The following LAMA2 variants were observed in gnomAD, a reference collection of about 807,000 sequenced individuals.
LAMA2 encodes the protein laminin subunit alpha-2.
LAMA2 carries 269 observed loss-of-function variants against 364.8 expected under a neutral mutation model. The ratio of observed to expected loss-of-function variants is 0.74; its 90% CI spans 0.67 to 0.82. The LOEUF is 0.82. Ranked by LOEUF, LAMA2 falls within the 40% of genes least tolerant of loss-of-function variation. The pLI is 0.00. For missense variants in LAMA2, 3,807 were observed against 3,873.2 expected (o/e 0.98, Z 0.45); for synonymous variants, 1,379 against 1,370.6 (o/e 1.01, Z -0.14).
intron 41 of LAMA2, 95 bp from the exon 42 acceptor site, chr6:129,438,551 A>C: frequency 1.5e-6 from 1 of 651,328 alleles, no homozygotes; most frequent in Non-Finnish European, 2.8e-6. Context: ...GCTTTTAATT[A>C]ATTTTATATT....
At chr6:129,272,574 C>T (rs1028889781) in intron 17 of LAMA2, among the ~76,000 whole-genome samples, 2 of 152,128 alleles carry the variant, frequency 1.3e-5, no homozygotes, top group Non-Finnish European at 1.5e-5. Context: ...AAAAAATACA[C>T]ACTGCATTTT....
rs369978926 is a variant in LAMA2 at position 128,957,583 on chromosome 6, T to C, written c.112+74226T>C. Reference sequence around the variant, plus strand: ...CTTGAAGTCGTGCTTATTACAGATATGTGAGGAGTGCTTTTTTTAGGGGGG... The same window carrying C: ...CTTGAAGTCGTGCTTATTACAGATACGTGAGGAGTGCTTTTTTTAGGGGGG... On this transcript the variant is annotated intron_variant, in intron 1 of 64. Coordinates refer to ENST00000421865, the MANE Select transcript of LAMA2 (RefSeq NM_000426.4). Among the ~76,000 whole-genome samples the C allele has an allele frequency of 1.1e-4, 17 of 152,126 alleles. No individual in the cohort carries two copies. The East Asian group carries it at 1.5e-3, about 14-fold the overall frequency.
At chr6:128,990,142 A>G (rs1285353119) in intron 1 of LAMA2, among the ~76,000 whole-genome samples, 1 of 152,200 alleles carries the variant, frequency 6.6e-6, no homozygotes, top group African/African-American at 2.4e-5. Context: ...TCTTACAGAG[A>G]TATGTTTCAG....
At chr6:129,163,010 G>A (rs1268531170) in intron 8 of LAMA2, among the ~76,000 whole-genome samples, 5 of 152,118 alleles carry the variant, frequency 3.3e-5, no homozygotes, top group Non-Finnish European at 1.5e-5. Flanking sequence ...ATGTGTCTAT[G>A]TTTGGCTTTC....
chr6:129,453,217 A>G lies in LAMA2; in HGVS notation c.6573+86A>G. 8.7e-6 allele frequency: 11 copies of G among 1,258,200 alleles called. No homozygotes were observed. The South Asian group carries it at 9.6e-5, about 11-fold the overall frequency. 77.9% of individuals were successfully genotyped at this position (1,258,200 alleles called of 1,614,324 possible). A position where few individuals can be genotyped will look rare whatever the true frequency, so the allele number is the denominator to read the frequency against. ...GAAAATGTATAGAATCCCCAAATGT[A>G]TATGGTCCCCAAATGGTCTAACGTA... is the stretch of plus-strand genomic sequence containing the variant. On this transcript the variant is annotated intron_variant, in intron 46 of 64. Coordinates refer to ENST00000421865, the MANE Select transcript of LAMA2 (RefSeq NM_000426.4).
chr6:129,298,284 G>GT (rs1773332594), intron 21 of LAMA2, among the ~76,000 whole-genome samples: 1 of 151,920 alleles, frequency 6.6e-6, no homozygotes, highest in South Asian at 2.1e-4. Flanking sequence ...AAAAGTCAAG[G>GT]TGTTTTTTTT....
chr6:129,263,611 G>A (rs997892114), intron 15 of LAMA2, among the ~76,000 whole-genome samples: 9 of 151,662 alleles, frequency 5.9e-5, no homozygotes, highest in Non-Finnish European at 8.8e-5. Flanking sequence ...GATTGGAAAA[G>A]CAAGGCCATG....
chr6:129,345,566 C>T (rs1012456489), intron 30 of LAMA2, among the ~76,000 whole-genome samples: 2 of 152,004 alleles, frequency 1.3e-5, no homozygotes, highest in Non-Finnish European at 2.9e-5. Flanking sequence ...GCAAAAGACC[C>T]TGAAAGAATC....
At chr6:129,076,967 C>T (rs1475631078) in intron 3 of LAMA2, among the ~76,000 whole-genome samples, 1 of 152,012 alleles carries the variant, frequency 6.6e-6, no homozygotes, top group East Asian at 1.9e-4. Context: ...CCTCTCAGCA[C>T]TGGGTCATTA....
rs747449459 is a variant in LAMA2, at chr6:129,192,789, A to G, written c.1718A>G (p.Glu573Gly). The G allele has an allele frequency of 3.7e-6, 6 of 1,614,088 alleles. No homozygotes were observed. The highest frequency in any genetic ancestry group is 3.3e-5 in the Admixed American group (2 of 60,004). Residue 573 changes from glutamate (E) to glycine (G), a missense_variant, in exon 12 of 65, where the codon GAG becomes GGG. This residue lies in a region of LAMA2 where 3,333 missense variants were observed against 3,345.7 expected (regional missense o/e 1.00). Transcript: ENST00000421865. ...SPQQISISNA[E>G]ARQALPHSYY... ...CAGCAGATCAGCATCAGTAACGCGG[A>G]GGCCCGGCAAGCCCTGCCGCACAGC...
chr6:128,993,268 A>T (rs1783717742), intron 1 of LAMA2, among the ~76,000 whole-genome samples: 1 of 152,206 alleles, frequency 6.6e-6, no homozygotes, highest in Admixed American at 6.5e-5. Context: ...AAAGTGGAAA[A>T]ATGTATACAT....
intron 3 of LAMA2, among the ~76,000 whole-genome samples, chr6:129,095,078 A>G (rs1418824016): frequency 6.6e-6 from 1 of 152,256 alleles, no homozygotes; most frequent in Admixed American, 6.5e-5. Flanking sequence ...CCATTTCAGA[A>G]GAATTATAAT....
Position 129,316,081 on chromosome 6 carries a change from C to G in LAMA2, c.3968C>G (p.Thr1323Ser). ...GGGGATGATCCTCGAGTCCATAGAA[C>G]TGTGACCCGAGAAGACTTCTTGGAT... ...YYGDDPRVHRTVTREDFLDIL... is the reference protein window; with the variant it reads ...YYGDDPRVHRSVTREDFLDIL... The change falls in exon 27 of 65, where the codon ACT (threonine) becomes AGT (serine). Residue 1323 changes from threonine (T) to serine (S), a missense_variant. Transcript: ENST00000421865. 1 of 1,612,016 alleles carries G rather than the reference C, an allele frequency of 6.2e-7. No individual in the cohort carries two copies. The highest frequency in any genetic ancestry group is 8.5e-7 in the Non-Finnish European group (1 of 1,178,108).
chr6:129,179,525 C>CCCT (rs1780806857), intron 10 of LAMA2, among the ~76,000 whole-genome samples: 1 of 152,006 alleles, frequency 6.6e-6, no homozygotes, highest in African/African-American at 2.4e-5. Context: ...AAGGGAAAGC[C>CCCT]CCTTGAGCTA....
At chr6:129,325,351 C>G (rs1216084925) in intron 28 of LAMA2, among the ~76,000 whole-genome samples, 2 of 151,946 alleles carry the variant, frequency 1.3e-5, no homozygotes, top group Admixed American at 1.3e-4. Context: ...CATTGTGTTC[C>G]AGAAAGGATT....
intron 3 of LAMA2, among the ~76,000 whole-genome samples, chr6:129,073,126 G>A (rs1773426393): frequency 6.6e-6 from 1 of 152,002 alleles, no homozygotes; most frequent in East Asian, 1.9e-4. Flanking sequence ...GTATAAAGTA[G>A]AATTTCTTGC....
chr6:129,170,559 T>A (rs1445377790), intron 9 of LAMA2, among the ~76,000 whole-genome samples: 1 of 135,734 alleles, frequency 7.4e-6, no homozygotes, highest in Non-Finnish European at 1.5e-5. Context: ...CTTTTACATT[T>A]GCTGAGGAGA....
At chr6:128,901,471 A>G (rs1238981193) in intron 1 of LAMA2, among the ~76,000 whole-genome samples, 2 of 152,236 alleles carry the variant, frequency 1.3e-5, no homozygotes, top group Admixed American at 6.5e-5. Flanking sequence ...AGAGGTATAT[A>G]CTACCTTATA....
At chr6:129,417,851 T>G (rs1356775557) in intron 40 of LAMA2, among the ~76,000 whole-genome samples, 2 of 152,122 alleles carry the variant, frequency 1.3e-5, no homozygotes, top group Non-Finnish European at 2.9e-5. Context: ...TCAGCTTTGC[T>G]CTGAAATCAG....
Sources: gnomAD v4.1 joint callset for allele counts (sites outside exome capture counted in the v4.1 genomes callset) on GRCh38, gnomAD v4.1.1 for gene constraint, gnomAD v4.1.1 regional missense constraint, MANE v1.5 for transcripts, NCBI Gene and HGNC (gene_info 2026-07-23, HGNC 2026-07-21) for gene names.